ALG6: variants seen among roughly 807,000 people sequenced by gnomAD.
ALG6 encodes dolichyl pyrophosphate Man9GlcNAc2 alpha-1,3-glucosyltransferase.
In ALG6, 46 loss-of-function variants were observed where a neutral mutation model predicts 66.6. The observed-to-expected ratio is 0.69, with a 90% CI of 0.55 to 0.88. The LOEUF is 0.88. Among genes scored for constraint, ALG6 ranks in the 40% least tolerant of loss-of-function variants. The pLI is 0.00. For missense variants in ALG6, 505 were observed against 586.8 expected (o/e 0.86, Z 1.44); for synonymous variants, 185 against 203.7 (o/e 0.91, Z 0.78).
At chr1:63,428,128 A>G (rs1242504343) in intron 12 of ALG6, 1 of 152,504 alleles carries the variant, frequency 6.6e-6, no homozygotes, top group Non-Finnish European at 1.5e-5. Context: ...ATTCTTTGAT[A>G]AAGCCAGTGG....
intron 9 of ALG6, chr1:63,413,840 G>A: frequency 2.1e-6 from 1 of 466,486 alleles, no homozygotes; most frequent in African/African-American, 2.0e-5. Flanking sequence ...GGATTATGGT[G>A]GGCCAATGCT....
At chr1:63,373,677 T>TTTG (rs1648015416) in intron 2 of ALG6, among the ~76,000 whole-genome samples, 1 of 145,816 alleles carries the variant, frequency 6.9e-6, no homozygotes, top group African/African-American at 2.5e-5. Context: ...TTTTTTTTTT[T>TTTG]TGAGACAGGG....
chr1:63,434,056 G>A (rs574412497), intron 14 of ALG6, among the ~76,000 whole-genome samples: 3 of 152,140 alleles, frequency 2.0e-5, no homozygotes, highest in South Asian at 4.2e-4. Flanking sequence ...AGCTGGGTGA[G>A]GGAAAGAAAT....
intron 14 of ALG6, 62 bp from the exon 15 acceptor site, chr1:63,436,761 T>G: frequency 6.7e-7 from 1 of 1,495,050 alleles, no homozygotes; most frequent in Non-Finnish European, 9.3e-7. Context: ...TACAAGTCAA[T>G]GTTTCCAGCA....
At chr1:63,406,006 G>A (rs1009403840) in intron 5 of ALG6, among the ~76,000 whole-genome samples, 20 of 151,958 alleles carry the variant, frequency 1.3e-4, no homozygotes, top group African/African-American at 4.6e-4. Flanking sequence ...TATATAGATT[G>A]AGGAAAAAAA....
intron 3 of ALG6, among the ~76,000 whole-genome samples, chr1:63,398,582 C>T (rs1644424477): frequency 6.6e-6 from 1 of 152,214 alleles, no homozygotes; most frequent in Non-Finnish European, 1.5e-5. Flanking sequence ...ACGCCATTCT[C>T]CTGCCTTAGC....
chr1:63,417,858 G>A (rs1570076256), intron 11 of ALG6, among the ~76,000 whole-genome samples: 1 of 152,052 alleles, frequency 6.6e-6, no homozygotes, highest in Admixed American at 6.6e-5. Context: ...AGTGTTGGCC[G>A]GGCACGGTGG....
At chr1:63,382,553 C>A (rs1648352393) in intron 2 of ALG6, among the ~76,000 whole-genome samples, 1 of 151,904 alleles carries the variant, frequency 6.6e-6, no homozygotes, top group Non-Finnish European at 1.5e-5. Context: ...TGGCTCATTG[C>A]AACTCTGCCT....
At chr1:63,399,967 C>A (rs1307672027) in intron 3 of ALG6, among the ~76,000 whole-genome samples, 1 of 151,068 alleles carries the variant, frequency 6.6e-6, no homozygotes, top group East Asian at 1.9e-4. Flanking sequence ...GAGACCAAGG[C>A]GGGCAGATCA....
At chr1:63,422,250 T>TATA (rs1644584454) in intron 12 of ALG6, among the ~76,000 whole-genome samples, 1 of 109,788 alleles carries the variant, frequency 9.1e-6, no homozygotes, top group Non-Finnish European at 1.7e-5. Flanking sequence ...TATAAATATA[T>TATA]ATATTTATAT....
At chr1:63,425,077 G>T (rs752969279) in intron 12 of ALG6, among the ~76,000 whole-genome samples, 3 of 152,216 alleles carry the variant, frequency 2.0e-5, no homozygotes, top group Non-Finnish European at 4.4e-5. Flanking sequence ...ACTGTGCCCA[G>T]TTGAGTTTTT....
At position 63,431,387 on chromosome 1, in the gene ALG6, C is replaced by T. The variant is rs375886997; in HGVS notation, c.1326+2261C>T. The stretch of plus-strand genomic sequence containing the variant: ...AACTCAGCTGAGATTTTGATAGGGA[C>T]TGAGTCGATTCTGCATATCAATTTG... On this transcript the variant is annotated intron_variant, in intron 14 of 14. Coordinates refer to ENST00000263440, the MANE Select transcript of ALG6 (RefSeq NM_013339.4). Among the ~76,000 whole-genome samples, 23 of 152,268 alleles carry T rather than the reference C, an allele frequency of 1.5e-4. No homozygotes were observed. The East Asian group carries it at 2.5e-3, about 17-fold the overall frequency.
At chr1:63,422,474 A>AAT (rs1181702108) in intron 12 of ALG6, among the ~76,000 whole-genome samples, 4 of 95,052 alleles carry the variant, frequency 4.2e-5, no homozygotes, top group Admixed American at 1.4e-4. Flanking sequence ...TATATATATA[A>AAT]ATATATATAT....
chr1:63,380,335 G>C (rs548252623), intron 2 of ALG6, among the ~76,000 whole-genome samples: 1 of 152,306 alleles, frequency 6.6e-6, no homozygotes, highest in African/African-American at 2.4e-5. Context: ...CAACTTTCAG[G>C]ACGTTTGTTC....
At chr1:63,422,305 A>ATATATATATTTATATAGATATAAC in intron 12 of ALG6, among the ~76,000 whole-genome samples, 1 of 84,666 alleles carries the variant, frequency 1.2e-5, no homozygotes, top group Non-Finnish European at 2.1e-5. Context: ...ATAGATATAA[A>ATATATATATTTATATAGATATAAC]TATATATCTA....
At chr1:63,411,492 G>C (rs1179546609) in intron 8 of ALG6, among the ~76,000 whole-genome samples, 161 bp downstream of exon 8, 1 of 152,012 alleles carries the variant, frequency 6.6e-6, no homozygotes, top group African/African-American at 2.4e-5. Flanking sequence ...GTCATGTTCT[G>C]TATTTTATTT....
intron 12 of ALG6, among the ~76,000 whole-genome samples, chr1:63,423,671 T>C (rs936169425): frequency 3.9e-5 from 6 of 152,226 alleles, no homozygotes; most frequent in Admixed American, 2.6e-4. Flanking sequence ...GTATCAGAAC[T>C]GTATTCTTTT....
At chr1:63,406,279 A>G in intron 5 of ALG6, 38 bp from the exon 6 acceptor site, 1 of 1,566,008 alleles carries the variant, frequency 6.4e-7, no homozygotes, top group Non-Finnish European at 8.8e-7. Context: ...GTAAATCCTG[A>G]TGGACTCATG....
intron 7 of ALG6, among the ~76,000 whole-genome samples, chr1:63,410,429 A>T (rs1320061136): frequency 3.3e-5 from 5 of 151,884 alleles, no homozygotes; most frequent in Admixed American, 1.3e-4. Flanking sequence ...TAATTTAAAA[A>T]TTTTTTTGTA....
Sources: allele counts gnomAD v4.1 joint callset (sites outside exome capture counted in the v4.1 genomes callset), GRCh38; gene constraint gnomAD v4.1.1; transcripts MANE v1.5; gene names NCBI Gene and HGNC (gene_info 2026-07-23, HGNC 2026-07-21).